EIPR1: variants seen among roughly 807,000 people sequenced by gnomAD.
EIPR1 encodes EARP complex and GARP complex interacting protein 1, also known as EARP and GARP complex-interacting protein 1.
Under a neutral mutation model 48.1 loss-of-function variants are expected in EIPR1, and 25 were observed. The observed-to-expected ratio is 0.52, with a 90% CI of 0.38 to 0.73. The LOEUF (loss-of-function observed/expected upper bound fraction) is 0.73. Ranked by LOEUF, EIPR1 falls within the 30% of genes least tolerant of loss-of-function variation. EIPR1 has a pLI of 0.00. For synonymous variants in EIPR1, 204 were observed against 201.9 expected, an observed-to-expected ratio of 1.01 and a Z score of -0.09; for missense variants, 415 against 506.2, an observed-to-expected ratio of 0.82 and a Z score of 1.73.
At chr2:3,290,394 T>TA in intron 3 of EIPR1, among the ~76,000 whole-genome samples, 1 of 152,290 alleles carries the variant, frequency 6.6e-6, no homozygotes, top group Non-Finnish European at 1.5e-5. Context: ...ATTTTACCAC[T>TA]AAAATGTGAC....
intron 1 of EIPR1, among the ~76,000 whole-genome samples, chr2:3,363,803 C>CAAA (rs372598069): frequency 7.3e-4 from 97 of 132,498 alleles, no homozygotes; most frequent in Middle Eastern, 3.9e-3. Context: ...AACTCAACAG[C>CAAA]AAAAAAAAAA....
At chr2:3,277,212 A>AGGGCCCCGCACCTGTCTCCACCCACG (rs1667876519) in intron 3 of EIPR1, among the ~76,000 whole-genome samples, 2 of 140,276 alleles carry the variant, frequency 1.4e-5, no homozygotes, top group African/African-American at 2.7e-5. Flanking sequence ...CTCCACCCAC[A>AGGGCCCCGCACCTGTCTCCACCCACG]CGGCCCCGCA....
chr2:3,324,811 GTGGCCGCTGC>G (rs1203711721), intron 3 of EIPR1, among the ~76,000 whole-genome samples: 1 of 151,698 alleles, frequency 6.6e-6, no homozygotes, highest in African/African-American at 2.4e-5. Context: ...GACTTCCGAA[GTGGCCGCTGC>G]CGCGCCTCCA....
intron 5 of EIPR1, among the ~76,000 whole-genome samples, chr2:3,205,353 CAG>C (rs1665193151): frequency 6.6e-6 from 1 of 152,222 alleles, no homozygotes; most frequent in South Asian, 2.1e-4. Context: ...TCCTTACAAA[CAG>C]AGATGCAGAG....
At chr2:3,274,675 C>A (rs567105860) in intron 3 of EIPR1, among the ~76,000 whole-genome samples, 3 of 151,592 alleles carry the variant, frequency 2.0e-5, no homozygotes, top group Admixed American at 6.6e-5. Flanking sequence ...TGGCAAAAAT[C>A]TAGAAAACAT....
intron 3 of EIPR1, among the ~76,000 whole-genome samples, chr2:3,327,202 T>C (rs1052078798): frequency 6.6e-6 from 1 of 152,216 alleles, no homozygotes; most frequent in African/African-American, 2.4e-5. Context: ...CATTTATTTT[T>C]TGAGACAGTC....
chr2:3,298,126 T>C (rs1668656923), intron 3 of EIPR1, among the ~76,000 whole-genome samples: 1 of 152,194 alleles, frequency 6.6e-6, no homozygotes, highest in Admixed American at 6.5e-5. Flanking sequence ...GCTCTATTTA[T>C]TGTATTTTCC....
At chr2:3,260,460 C>A (rs765910467) in intron 3 of EIPR1, among the ~76,000 whole-genome samples, 8 of 127,930 alleles carry the variant, frequency 6.3e-5, no homozygotes, top group Non-Finnish European at 1.3e-4. Context: ...CACTGCACTA[C>A]AACCTGGGCA....
chr2:3,304,569 T>A (rs76661040), intron 3 of EIPR1, among the ~76,000 whole-genome samples: 138 of 5,822 alleles, frequency 0.024, 65 homozygotes, highest in East Asian at 0.042. Flanking sequence ...ACTCCCGTCC[T>A]GTTCAGCCCT....
chr2:3,354,111 C>G (rs1670660227), intron 2 of EIPR1, among the ~76,000 whole-genome samples: 1 of 152,144 alleles, frequency 6.6e-6, no homozygotes, highest in Non-Finnish European at 1.5e-5. Context: ...CATCTGTATC[C>G]CCACCTGGAT....
chr2:3,293,055 T>C (rs576637138), intron 3 of EIPR1, among the ~76,000 whole-genome samples: 1 of 152,326 alleles, frequency 6.6e-6, no homozygotes, highest in Admixed American at 6.5e-5. Context: ...CCCATGTGCA[T>C]TCTCCCAAGT....
At chr2:3,234,388 G>A (rs1001733123) in intron 4 of EIPR1, among the ~76,000 whole-genome samples, 4 of 152,170 alleles carry the variant, frequency 2.6e-5, no homozygotes, top group African/African-American at 9.6e-5. Context: ...TTTAACAACA[G>A]GCAAGAGTCC....
chr2:3,231,119 G>A (rs1666230600), intron 4 of EIPR1, among the ~76,000 whole-genome samples: 1 of 152,120 alleles, frequency 6.6e-6, no homozygotes, highest in African/African-American at 2.4e-5. Flanking sequence ...GTTGTAAATG[G>A]AACTGTTTTC....
At chr2:3,266,953 T>C (rs1214716469) in intron 3 of EIPR1, among the ~76,000 whole-genome samples, 1 of 152,222 alleles carries the variant, frequency 6.6e-6, no homozygotes, top group East Asian at 1.9e-4. Context: ...CCCCTCAGTT[T>C]AGGGGAACCC....
At chr2:3,233,271 T>G (rs1647167259) in intron 4 of EIPR1, among the ~76,000 whole-genome samples, 1 of 152,210 alleles carries the variant, frequency 6.6e-6, no homozygotes. Context: ...TATAATTCTT[T>G]CCAAAGGGCA....
intron 3 of EIPR1, among the ~76,000 whole-genome samples, chr2:3,276,133 A>G (rs967627741): frequency 9.2e-5 from 14 of 152,256 alleles, no homozygotes; most frequent in African/African-American, 3.4e-4. Flanking sequence ...AAACACAGAT[A>G]AATTGTCAAG....
At chr2:3,304,883 T>A (rs1668877749) in intron 3 of EIPR1, among the ~76,000 whole-genome samples, 1 of 145,550 alleles carries the variant, frequency 6.9e-6, no homozygotes, top group South Asian at 2.2e-4. Context: ...AGCCCTCCAT[T>A]CCCGTCCAGT....
intron 1 of EIPR1, among the ~76,000 whole-genome samples, chr2:3,364,751 G>A (rs1210859836): frequency 6.6e-6 from 1 of 152,132 alleles, no homozygotes; most frequent in Non-Finnish European, 1.5e-5. Flanking sequence ...CATGTTTTCA[G>A]TCATCTGTGG....
chr2:3,350,562 G>C (rs1670541193), intron 2 of EIPR1, among the ~76,000 whole-genome samples: 2 of 152,146 alleles, frequency 1.3e-5, no homozygotes. Flanking sequence ...CTGAACTCAG[G>C]ACACGAATAT....
Sources: gnomAD v4.1 joint callset for allele counts (sites outside exome capture counted in the v4.1 genomes callset) on GRCh38, gnomAD v4.1.1 for gene constraint, MANE v1.5 for transcripts, NCBI Gene and HGNC (gene_info 2026-07-23, HGNC 2026-07-21) for gene names.